Variants in RTN4 observed in about 807,000 individuals in gnomAD.
The protein encoded by RTN4 is reticulon 4.
A neutral mutation model predicts 90.4 loss-of-function variants in RTN4; 32 were observed. That is an observed-to-expected ratio of 0.35 (90% confidence interval 0.27 to 0.48). The LOEUF (loss-of-function observed/expected upper bound fraction) is 0.48, where lower values mean the gene tolerates loss of function less well. Ranked by LOEUF, RTN4 falls within the 20% of genes least tolerant of loss-of-function variation. The probability of loss-of-function intolerance (pLI) is 0.99; values close to 1 mark genes in which losing one functional copy is unlikely to be tolerated. For synonymous variants in RTN4, 629 were observed against 552.5 expected (o/e 1.14, Z -1.94); for missense variants, 1,706 against 1,430.2 (o/e 1.19, Z -3.11).
At chr2:55,129,344 C>G in the RTN4 span, among the ~76,000 whole-genome samples, 1 of 151,928 alleles carries the variant, frequency 6.6e-6, no homozygotes, top group Admixed American at 6.6e-5. Context: ...AAGGCCGAGG[C>G]AGGCAGATCA....
At chr2:55,046,587 C>T (rs1667747975) in intron 1 of RTN4, among the ~76,000 whole-genome samples, 1 of 152,192 alleles carries the variant, frequency 6.6e-6, no homozygotes, top group Non-Finnish European at 1.5e-5. Context: ...CCTCATAACA[C>T]CACTATTCTG....
Position 55,050,157 on chromosome 2 carries a change from GTCT to G in RTN4, c.141_143del (p.Glu47del). ...TCTCCAGCACCTCCAGCTCCTCCAG[GTCT>G]TCGTCCTCGTCCTCCTCTTCCTCCT... On this transcript the variant is annotated inframe_deletion, in exon 1 of 9. Coordinates refer to ENST00000337526, the MANE Select transcript of RTN4 (RefSeq NM_020532.5). This position sits in a 1 kb window ranked among gnomAD's most constrained non-coding sequence, Gnocchi z 4.6. The G allele has an allele frequency of 6.4e-7, 1 of 1,561,834 alleles. No homozygotes were observed. The highest frequency in any genetic ancestry group is 2.5e-5 in the East Asian group (1 of 39,814).
At chr2:54,985,705 T>A (rs1275828981) in intron 4 of RTN4, among the ~76,000 whole-genome samples, 1 of 152,176 alleles carries the variant, frequency 6.6e-6, no homozygotes, top group Non-Finnish European at 1.5e-5. Flanking sequence ...ATCACCAGTC[T>A]TTACAATAAA....
In RTN4 at chr2:55,026,018, T is replaced by C. The variant is rs764605598; in HGVS notation, c.2081A>G (p.Tyr694Cys). 11 of 1,612,108 alleles carry C rather than the reference T, an allele frequency of 6.8e-6. No individual in the cohort carries two copies. Among genetic ancestry groups the C allele is most frequent in the Non-Finnish European group, 8.5e-7 (1 of 1,179,580 alleles). ...NAALQETEAP[Y>C]ISIACDLIKE... ...AATTAAATCACATGCAATAGATATA[T>C]AAGGAGCTTCTGTTTCTTGAAGAGC... Residue 694 changes from tyrosine (Y) to cysteine (C), a missense_variant, in exon 3 of 9, where the codon TAT (tyrosine) becomes TGT (cysteine). Tyr to Cys is a radical substitution (Grantham distance 194, BLOSUM62 -2). Coordinates refer to ENST00000337526, the MANE Select transcript of RTN4 (RefSeq NM_020532.5).
At chr2:55,137,675 G>A in the RTN4 span, among the ~76,000 whole-genome samples, 1 of 152,116 alleles carries the variant, frequency 6.6e-6, no homozygotes, top group African/African-American at 2.4e-5. Flanking sequence ...CACAGAGAGA[G>A]TTAAACTCCC....
intron 1 of RTN4, among the ~76,000 whole-genome samples, chr2:55,105,685 T>A (rs1406467185): frequency 6.6e-6 from 1 of 152,142 alleles, no homozygotes; most frequent in Non-Finnish European, 1.5e-5. Flanking sequence ...AAAGCAATCT[T>A]TTCTGCTGAG....
chr2:55,064,664 T>C (rs1367165959), intron 2 of RTN4, among the ~76,000 whole-genome samples: 2 of 152,178 alleles, frequency 1.3e-5, no homozygotes, highest in African/African-American at 2.4e-5. Context: ...ACAAACATTC[T>C]TAAATCATTA....
At chr2:55,112,508 C>G (rs540707084) in intron 1 of RTN4, 1 of 152,328 alleles carries the variant, frequency 6.6e-6, no homozygotes, top group Non-Finnish European at 1.5e-5. Context: ...GAATAGGAAG[C>G]TCCACACTGA....
chr2:55,039,083 G>A (rs993002364), intron 1 of RTN4, among the ~76,000 whole-genome samples: 4 of 152,168 alleles, frequency 2.6e-5, no homozygotes, highest in Non-Finnish European at 5.9e-5. Context: ...GTAGTTGTTT[G>A]GGATTGGTGT....
chr2:55,032,038 A>T (rs1682352708), intron 1 of RTN4, among the ~76,000 whole-genome samples: 1 of 152,202 alleles, frequency 6.6e-6, no homozygotes, highest in Non-Finnish European at 1.5e-5. Flanking sequence ...ATAAATAAGA[A>T]AGAATAGCAA....
intron 5 of RTN4, 119 bp downstream of exon 5, chr2:54,982,396 G>A: frequency 1.2e-6 from 1 of 860,482 alleles, no homozygotes; most frequent in South Asian, 2.0e-5. Context: ...CAAGTTTACA[G>A]CCATGTGATT....
chr2:55,031,726 C>A (rs1312276501), intron 1 of RTN4, among the ~76,000 whole-genome samples: 1 of 152,182 alleles, frequency 6.6e-6, no homozygotes, highest in Non-Finnish European at 1.5e-5. Context: ...TGTATTGGAA[C>A]ACAGCCACGC....
the RTN4 span, among the ~76,000 whole-genome samples, chr2:55,135,651 A>G: frequency 6.6e-6 from 1 of 152,212 alleles, no homozygotes. Flanking sequence ...GTGTATATAC[A>G]ATACCATGAA....
intron 4 of RTN4, among the ~76,000 whole-genome samples, chr2:54,983,146 A>C (rs1436579771): frequency 6.6e-6 from 1 of 151,708 alleles, no homozygotes; most frequent in East Asian, 1.9e-4. Context: ...TCCAAATCCT[A>C]AACTCTCTCA....
rs981150721 is a variant in RTN4, at chr2:54,972,907, A to AGAT, written c.*246_*248dup. The AGAT allele has an allele frequency of 4.2e-5, 11 of 260,520 alleles. No individual in the cohort carries two copies. The highest frequency in any genetic ancestry group is 2.7e-4 in the African/African-American group (6 of 22,284). 16.1% of individuals were successfully genotyped at this position (260,520 alleles called of 1,614,324 possible). ...TTTTTATTCCACCAGTGCCTCAGAT[A>AGAT]GATAGGAAAAAGATATGATTACGGT... On this transcript the variant is annotated 3_prime_UTR_variant, in exon 9 of 9. Coordinates refer to ENST00000337526, the MANE Select transcript of RTN4 (RefSeq NM_020532.5).
At chr2:55,017,604 CCAACAAACAT>C (rs1681136700) in intron 3 of RTN4, among the ~76,000 whole-genome samples, 1 of 152,116 alleles carries the variant, frequency 6.6e-6, no homozygotes, top group Non-Finnish European at 1.5e-5. Flanking sequence ...TGACAAGCAA[CCAACAAACAT>C]ATATTAAGTT....
intron 2 of RTN4, among the ~76,000 whole-genome samples, chr2:55,069,213 C>G (rs938728962): frequency 2.6e-5 from 4 of 152,136 alleles, no homozygotes; most frequent in Non-Finnish European, 5.9e-5. Flanking sequence ...CAGAAAAAAA[C>G]CTAATTAGAC....
intron 1 of RTN4, among the ~76,000 whole-genome samples, chr2:55,043,267 T>G (rs1281301318): frequency 6.6e-6 from 1 of 152,124 alleles, no homozygotes; most frequent in Non-Finnish European, 1.5e-5. Context: ...GAACAAAAAG[T>G]CTCAAAGAAT....
chr2:55,040,958 A>G (rs539891817), intron 1 of RTN4, among the ~76,000 whole-genome samples: 9 of 151,136 alleles, frequency 6.0e-5, no homozygotes, highest in South Asian at 2.1e-4. Flanking sequence ...AGAAATAATT[A>G]TTTTTGAAAA....
Sources: gnomAD v4.1 joint callset for allele counts (sites outside exome capture counted in the v4.1 genomes callset) on GRCh38, gnomAD v4.1.1 for gene constraint, Gnocchi (gnomAD v3.1) non-coding constraint, MANE v1.5 for transcripts, NCBI Gene and HGNC (gene_info 2026-07-23, HGNC 2026-07-21) for gene names.